MAPK10: variants seen among roughly 807,000 people sequenced by gnomAD.
MAPK10 encodes mitogen-activated protein kinase 10, also known as JNK3 alpha protein kinase.
A neutral mutation model predicts 59.3 loss-of-function variants in MAPK10; 25 were observed. The observed-to-expected ratio is 0.42, with a 90% CI of 0.31 to 0.59. The LOEUF (loss-of-function observed/expected upper bound fraction) is 0.59. MAPK10 is among the 20% of genes least tolerant of loss of function. The pLI, the probability that MAPK10 is intolerant of heterozygous loss-of-function variation, is 0.15. For synonymous variants in MAPK10, 190 were observed against 200.5 expected, an observed-to-expected ratio of 0.95 and a Z score of 0.44; for missense variants, 351 against 568.9, an observed-to-expected ratio of 0.62 and a Z score of 3.90.
chr4:86,132,712 A>T (rs2061231366), intron 4 of MAPK10, among the ~76,000 whole-genome samples: 1 of 152,140 alleles, frequency 6.6e-6, no homozygotes, highest in Non-Finnish European at 1.5e-5. Flanking sequence ...TCAGCATTAG[A>T]TTCTCATAGG....
intron 2 of MAPK10, among the ~76,000 whole-genome samples, chr4:86,240,271 T>C (rs2148684939): frequency 6.6e-6 from 1 of 152,366 alleles, no homozygotes; most frequent in South Asian, 2.1e-4. Context: ...CTTCCAATTA[T>C]GTGGTCGATT....
intron 9 of MAPK10, chr4:86,098,315 A>G (rs1407691621): frequency 5.8e-6 from 3 of 518,480 alleles, no homozygotes; most frequent in Non-Finnish European, 8.9e-6. Context: ...TTTAGAAGAA[A>G]AAAGCCCATT....
At chr4:86,212,993 C>A (rs905760336) in intron 2 of MAPK10, among the ~76,000 whole-genome samples, 1 of 152,124 alleles carries the variant, frequency 6.6e-6, no homozygotes, top group Non-Finnish European at 1.5e-5. Context: ...AGATATAATA[C>A]ACTATTTTCT....
chr4:86,518,358 C>T (rs556783397), intron 1 of MAPK10, among the ~76,000 whole-genome samples: 58 of 152,264 alleles, frequency 3.8e-4, no homozygotes, highest in African/African-American at 1.4e-3. Flanking sequence ...TGTATATTTC[C>T]GGGAATTTAT....
At chr4:86,242,056 T>G (rs1267528910) in intron 2 of MAPK10, among the ~76,000 whole-genome samples, 1 of 152,000 alleles carries the variant, frequency 6.6e-6, no homozygotes, top group Admixed American at 6.6e-5. Flanking sequence ...GTGGTGGTGT[T>G]GTTATTGTCG....
At chr4:86,267,278 T>G (rs1478495393) in intron 2 of MAPK10, among the ~76,000 whole-genome samples, 3 of 152,168 alleles carry the variant, frequency 2.0e-5, no homozygotes, top group African/African-American at 7.2e-5. Context: ...AAAATAAAGT[T>G]TCTAACAAAG....
chr4:86,475,555 C>T (rs1034493007), intron 1 of MAPK10, among the ~76,000 whole-genome samples: 1 of 152,132 alleles, frequency 6.6e-6, no homozygotes, highest in Admixed American at 6.5e-5. Context: ...GCGCCGGTCA[C>T]GGACTCGGGA....
At chr4:86,591,203 C>T (rs1215980473) in intron 1 of MAPK10, among the ~76,000 whole-genome samples, 4 of 152,128 alleles carry the variant, frequency 2.6e-5, no homozygotes, top group African/African-American at 4.8e-5. Context: ...GGATTACAGG[C>T]GTGAGCCACC....
chr4:86,580,816 G>A (rs1762210853), intron 1 of MAPK10, among the ~76,000 whole-genome samples: 1 of 152,182 alleles, frequency 6.6e-6, no homozygotes, highest in Non-Finnish European at 1.5e-5. Context: ...CTCAGAATGT[G>A]GAGTTGGTAG....
intron 4 of MAPK10, among the ~76,000 whole-genome samples, chr4:86,138,714 G>A (rs1581083978): frequency 6.6e-6 from 1 of 151,536 alleles, no homozygotes; most frequent in Non-Finnish European, 1.5e-5. Flanking sequence ...GGAAATAAAC[G>A]GTATTCAATT....
chr4:86,129,053 T>C (rs1424467270), intron 4 of MAPK10, among the ~76,000 whole-genome samples: 1 of 152,140 alleles, frequency 6.6e-6, no homozygotes, highest in Non-Finnish European at 1.5e-5. Context: ...TTAAATAATA[T>C]TTATTTAGAT....
intron 3 of MAPK10, chr4:86,191,553 C>CTTTTTTTTTTTTT (rs35357476): frequency 2.0e-4 from 6 of 30,406 alleles, no homozygotes; most frequent in Admixed American, 5.7e-4. Flanking sequence ...ACAACCCGTG[C>CTTTTTTTTTTTTT]TTTTTTTTTT....
intron 2 of MAPK10, among the ~76,000 whole-genome samples, chr4:86,317,241 T>G (rs944041530): frequency 6.6e-6 from 1 of 151,900 alleles, no homozygotes; most frequent in Non-Finnish European, 1.5e-5. Context: ...TCTATTAGAG[T>G]CTCTCTCCTA....
chr4:86,508,094 CACAT>C (rs1755941681), intron 1 of MAPK10, among the ~76,000 whole-genome samples: 2 of 152,088 alleles, frequency 1.3e-5, no homozygotes, highest in African/African-American at 2.4e-5. Flanking sequence ...CCTGAACACA[CACAT>C]AGTTTACTAT....
At chr4:86,343,555 C>T (rs183645446) in intron 2 of MAPK10, among the ~76,000 whole-genome samples, 13 of 152,238 alleles carry the variant, frequency 8.5e-5, no homozygotes, top group African/African-American at 3.1e-4. Context: ...TCATTACATA[C>T]AACAGATACT....
chr4:86,132,430 T>C (rs969409619), intron 4 of MAPK10, among the ~76,000 whole-genome samples: 1 of 152,228 alleles, frequency 6.6e-6, no homozygotes, highest in African/African-American at 2.4e-5. Flanking sequence ...TTTGAAACTA[T>C]ACATTGACTA....
chr4:86,359,288 C>CTCTCTCTGTGTG (rs796310826), intron 1 of MAPK10, among the ~76,000 whole-genome samples: 65 of 94,624 alleles, frequency 6.9e-4, no homozygotes, highest in African/African-American at 2.8e-3. Flanking sequence ...CTCTCTCTCT[C>CTCTCTCTGTGTG]TGTGTGTGTG....
chr4:86,126,116 C>T (rs1472807124), intron 4 of MAPK10, among the ~76,000 whole-genome samples: 1 of 152,076 alleles, frequency 6.6e-6, no homozygotes, highest in African/African-American at 2.4e-5. Context: ...TTGTCCTCCA[C>T]TAGTCTGACA....
chr4:86,247,222 C>T (rs1329314587), intron 2 of MAPK10, among the ~76,000 whole-genome samples: 1 of 152,194 alleles, frequency 6.6e-6, no homozygotes, highest in African/African-American at 2.4e-5. Flanking sequence ...GTATTTTCCT[C>T]TATGTTCTCT....
Sources: gnomAD v4.1 joint callset for allele counts (sites outside exome capture counted in the v4.1 genomes callset) on GRCh38, gnomAD v4.1.1 for gene constraint, MANE v1.5 for transcripts, NCBI Gene and HGNC (gene_info 2026-07-23, HGNC 2026-07-21) for gene names.